Variants in CBFA2T2 observed in about 807,000 individuals in gnomAD.
CBFA2T2 encodes CBFA2/RUNX1 partner transcriptional co-repressor 2, also known as protein CBFA2T2.
Under a neutral mutation model 62.2 loss-of-function variants are expected in CBFA2T2, and 11 were observed. That is an observed-to-expected ratio of 0.18 (90% CI 0.11 to 0.29). The LOEUF (loss-of-function observed/expected upper bound fraction) is 0.29. Among genes scored for constraint, CBFA2T2 ranks in the 10% least tolerant of loss-of-function variants. CBFA2T2 has a pLI of 1.00. For missense variants in CBFA2T2, 592 were observed against 774.1 expected, an observed-to-expected ratio of 0.76 and a Z score of 2.79; for synonymous variants, 295 against 287.5, an observed-to-expected ratio of 1.03 and a Z score of -0.27.
intron 1 of CBFA2T2, among the ~76,000 whole-genome samples, chr20:33,524,471 G>C (rs2011827091): frequency 6.6e-6 from 1 of 152,074 alleles, no homozygotes; most frequent in African/African-American, 2.4e-5. Flanking sequence ...GTGGGTTCTT[G>C]AGTGATTTAT....
intron 1 of CBFA2T2, among the ~76,000 whole-genome samples, chr20:33,579,885 G>T (rs140187562): frequency 0.019 from 2,892 of 151,324 alleles, 206 homozygotes; most frequent in Admixed American, 0.14. Context: ...CACGGTCTCG[G>T]CTCACCGCAA....
chr20:33,612,065 C>T (rs934857906), intron 3 of CBFA2T2, among the ~76,000 whole-genome samples: 1 of 152,144 alleles, frequency 6.6e-6, no homozygotes, highest in African/African-American at 2.4e-5. Context: ...TTACAAGTTA[C>T]GTGGCCTAAA....
intron 10 of CBFA2T2, among the ~76,000 whole-genome samples, chr20:33,642,576 G>C (rs1483524359): frequency 1.3e-5 from 2 of 151,844 alleles, no homozygotes; most frequent in Admixed American, 1.3e-4. Context: ...ATTCCAGCCT[G>C]GGTGGGAGAG....
At chr20:33,571,830 C>T (rs1473290872) in intron 1 of CBFA2T2, among the ~76,000 whole-genome samples, 1 of 152,134 alleles carries the variant, frequency 6.6e-6, no homozygotes, top group Non-Finnish European at 1.5e-5. Flanking sequence ...TAAAGGTTGA[C>T]AGTTATTTTC....
chr20:33,623,328 C>T lies in CBFA2T2; in HGVS notation c.692+32C>T, dbSNP rs368244146. 70 of 1,611,208 alleles carry T rather than the reference C, an allele frequency of 4.3e-5. No individual in the cohort carries two copies. The African/African-American group carries it at 8.5e-4, about 20-fold the overall frequency. The stretch of plus-strand genomic sequence containing the variant: ...AGATGAGCTTTGCTGTCCTTGCCTT[C>T]CTGGAACCGCACTGGTCCTCCCCTT... On this transcript the variant is annotated intron_variant, in intron 5 of 10. Coordinates refer to ENST00000342704, the MANE Select transcript of CBFA2T2 (RefSeq NM_001032999.3).
rs117690442 is a variant in CBFA2T2, at chr20:33,596,423, A to G, written c.35-10533A>G. On this transcript the variant is annotated intron_variant, in intron 1 of 10. Transcript: ENST00000342704. ...ATTAATCACTGGTCTAATCATTATA[A>G]TAACCTAAACAGCTAGCATGTATTC... Among the ~76,000 whole-genome samples the G allele has an allele frequency of 5.4e-3, 818 of 152,366 alleles. 6 individuals carry two copies. The highest frequency in any genetic ancestry group is 6.0e-3 in the Non-Finnish European group (406 of 68,036).
chr20:33,600,965 TAA>T (rs1239575797), intron 1 of CBFA2T2, among the ~76,000 whole-genome samples: 1 of 152,008 alleles, frequency 6.6e-6, no homozygotes, highest in Non-Finnish European at 1.5e-5. Flanking sequence ...TATTGTTTTT[TAA>T]AATTGTGGAA....
intron 4 of CBFA2T2, among the ~76,000 whole-genome samples, chr20:33,622,010 A>G (rs1437203346): frequency 6.6e-6 from 1 of 152,252 alleles, no homozygotes; most frequent in African/African-American, 2.4e-5. Flanking sequence ...AATAGGAAAT[A>G]ATTAGCATGT....
intron 1 of CBFA2T2, among the ~76,000 whole-genome samples, chr20:33,587,261 G>GT (rs2014411105): frequency 9.4e-6 from 1 of 105,920 alleles, no homozygotes. Context: ...TTATTTTTTT[G>GT]TTTTGTTTTG....
Position 33,537,146 on chromosome 20 carries a change from G to A in CBFA2T2, c.34+46845G>A, listed in dbSNP as rs923094516. Among the ~76,000 whole-genome samples the A allele has an allele frequency of 2.0e-5, 3 of 152,242 alleles. 1 individual carries two copies. In the South Asian group the frequency reaches 6.2e-4, roughly 32 times the overall value. Reference sequence around the variant, plus strand: ...GGAGGCCAAGGCAGGCGGCTGGGAGGTGGAGGTTGTAGCGAGCCGAGATCA... The same window carrying A: ...GGAGGCCAAGGCAGGCGGCTGGGAGATGGAGGTTGTAGCGAGCCGAGATCA... On this transcript the variant is annotated intron_variant, in intron 1 of 10. Coordinates refer to ENST00000342704, the MANE Select transcript of CBFA2T2 (RefSeq NM_001032999.3).
chr20:33,559,945 A>T (rs1261815371), intron 1 of CBFA2T2, among the ~76,000 whole-genome samples: 1 of 152,064 alleles, frequency 6.6e-6, no homozygotes, highest in Non-Finnish European at 1.5e-5. Flanking sequence ...TCTGCCCTAT[A>T]CCTGGAGTTG....
Position 33,542,636 on chromosome 20 carries a change from T to C in CBFA2T2, c.34+52335T>C, listed in dbSNP as rs1194150641. 2.0e-5 allele frequency among the ~76,000 whole-genome samples: 3 copies of C among 152,294 alleles called. No homozygotes were observed. In the East Asian group the frequency reaches 5.8e-4, roughly 29 times the overall value. On this transcript the variant is annotated intron_variant, in intron 1 of 10. Transcript: ENST00000342704. ...TACAGAAATTGCTATATTCAGTCTT[T>C]GTAGGAACTAACAGAAGAAGTCTTT...
intron 6 of CBFA2T2, among the ~76,000 whole-genome samples, chr20:33,626,806 G>A (rs1568863040): frequency 1.3e-5 from 2 of 152,176 alleles, no homozygotes; most frequent in South Asian, 4.1e-4. Flanking sequence ...GAATAGGGAA[G>A]GCTGTAGCAG....
rs2016783367 is a variant in CBFA2T2, at chr20:33,640,343, G to A, written c.1300G>A (p.Glu434Lys). The change falls in exon 10 of 11, where the codon GAA (glutamate) becomes AAA (lysine). Residue 434 changes from glutamate to lysine, a missense_variant and splice_region_variant. Coordinates refer to ENST00000342704, the MANE Select transcript of CBFA2T2 (RefSeq NM_001032999.3). ...ATTTTACTGTCACTTTCTTCTAGAA[G>A]AAGCTGTGAATAAGGTGAAAATTCA... ...VPVEFWKKTE[E>K]AVNKVKIQAM... The A allele has an allele frequency of 1.2e-6, 2 of 1,611,482 alleles. No homozygotes were observed. The highest frequency in any genetic ancestry group is 1.7e-6 in the Non-Finnish European group (2 of 1,178,196).
chr20:33,575,406 A>G (rs2013774214), intron 1 of CBFA2T2, among the ~76,000 whole-genome samples: 1 of 152,254 alleles, frequency 6.6e-6, no homozygotes. Context: ...CATAGAAAGT[A>G]TTAAGTTCTG....
chr20:33,576,066 C>A (rs527731744), intron 1 of CBFA2T2, among the ~76,000 whole-genome samples: 3 of 152,044 alleles, frequency 2.0e-5, no homozygotes, highest in African/African-American at 7.2e-5. Context: ...GGATTACAGG[C>A]GTGAGCCACC....
At chr20:33,525,570 G>A (rs1192507880) in intron 1 of CBFA2T2, among the ~76,000 whole-genome samples, 3 of 152,086 alleles carry the variant, frequency 2.0e-5, no homozygotes, top group African/African-American at 7.2e-5. Context: ...ACAGTGCAGT[G>A]AATATTTATA....
At chr20:33,544,543 ATTTATTTGTTT>A (rs1268523684) in intron 1 of CBFA2T2, among the ~76,000 whole-genome samples, 1 of 151,646 alleles carries the variant, frequency 6.6e-6, no homozygotes, top group Middle Eastern at 3.2e-3. Context: ...TTTTATTTTT[ATTTATTTGTTT>A]TTTATTTTTT....
chr20:33,621,367 C>T (rs547182762), intron 4 of CBFA2T2, among the ~76,000 whole-genome samples: 23 of 139,194 alleles, frequency 1.7e-4, no homozygotes, highest in African/African-American at 5.7e-4. Flanking sequence ...GGCGCGATCT[C>T]GGCTCTACAA....
Sources: gnomAD v4.1 joint callset for allele counts (sites outside exome capture counted in the v4.1 genomes callset) on GRCh38, gnomAD v4.1.1 for gene constraint, MANE v1.5 for transcripts, NCBI Gene and HGNC (gene_info 2026-07-23, HGNC 2026-07-21) for gene names.